The following PREX2 variants were observed in gnomAD, a reference collection of about 807,000 sequenced individuals.
PREX2 encodes the protein phosphatidylinositol 3,4,5-trisphosphate-dependent Rac exchanger 2 protein.
In PREX2, 107 loss-of-function variants were observed where a neutral mutation model predicts 203.2. That is an observed-to-expected ratio of 0.53 (90% CI 0.45 to 0.62). The LOEUF (loss-of-function observed/expected upper bound fraction) is 0.62, where lower values mean the gene tolerates loss of function less well. PREX2 is among the 20% of genes least tolerant of loss of function. The pLI, the probability that PREX2 is intolerant of heterozygous loss-of-function variation, is 0.00. For synonymous variants in PREX2, 672 were observed against 663.6 expected (o/e 1.01, Z -0.19); for missense variants, 1,777 against 1,955.9 (o/e 0.91, Z 1.72).
At chr8:67,953,807 G>T (rs1004942533) in intron 1 of PREX2, among the ~76,000 whole-genome samples, 1 of 152,194 alleles carries the variant, frequency 6.6e-6, no homozygotes, top group African/African-American at 2.4e-5. Context: ...GAATATCCTG[G>T]TAACTGGTGG....
intron 35 of PREX2, among the ~76,000 whole-genome samples, chr8:68,184,991 T>TA (rs1317675846): frequency 2.6e-5 from 4 of 152,310 alleles, no homozygotes; most frequent in African/African-American, 9.6e-5. Flanking sequence ...TATGTTAACT[T>TA]ACATAACTGT....
chr8:68,193,610 CAT>C, intron 37 of PREX2, among the ~76,000 whole-genome samples: 1 of 152,076 alleles, frequency 6.6e-6, no homozygotes, highest in East Asian at 1.9e-4. Context: ...ACAAAAATAA[CAT>C]AATGATAAAA....
intron 1 of PREX2, among the ~76,000 whole-genome samples, chr8:67,993,387 G>A (rs1325669580): frequency 6.7e-6 from 1 of 148,990 alleles, no homozygotes; most frequent in Non-Finnish European, 1.5e-5. Context: ...AAATTTTACA[G>A]TATTACTTCA....
rs1216912882 is a variant in PREX2, at chr8:68,182,991, T to G, written c.4347-8731T>G. ...GCAAAAAGGTGGGAAAACTTGCATG[T>G]GGATGGTGTGTTGGGGGAGATCAAG... On this transcript the variant is annotated intron_variant, in intron 35 of 39. Transcript: ENST00000288368. 2.0e-5 allele frequency among the ~76,000 whole-genome samples: 3 copies of G among 151,420 alleles called. No homozygotes were observed. In the Admixed American group the frequency reaches 2.0e-4, roughly 10 times the overall value.
At chr8:68,177,141 A>G (rs1438375158) in intron 35 of PREX2, 1 of 152,500 alleles carries the variant, frequency 6.6e-6, no homozygotes, top group African/African-American at 2.4e-5. Flanking sequence ...GCAATGTGTA[A>G]TTGAAAGCTA....
rs772916909 is a variant in PREX2, at chr8:68,119,458, A to G, written c.3448A>G (p.Ile1150Val). The G allele has an allele frequency of 1.9e-6, 3 of 1,613,738 alleles. No individual in the cohort carries two copies. Among genetic ancestry groups the G allele is most frequent in the Non-Finnish European group, 2.5e-6 (3 of 1,179,816 alleles). The stretch of plus-strand genomic sequence containing the variant: ...TGATGAACTTCCCTTAAGTGTTCGC[A>G]TATCTCATGATAAACAGGACAAGAT... ...SGDELPLSVR[I>V]SHDKQDKIHS... Residue 1150 changes from isoleucine to valine, a missense_variant, in exon 28 of 40, where the codon ATA becomes GTA. Physicochemically the swap from Ile to Val is conservative, Grantham distance 29. Transcript: ENST00000288368.
chr8:68,013,514 C>T (rs1807326130), intron 1 of PREX2, among the ~76,000 whole-genome samples: 1 of 152,172 alleles, frequency 6.6e-6, no homozygotes, highest in Non-Finnish European at 1.5e-5. Context: ...CAGTCTTCTC[C>T]ATTCCAGTGA....
intron 6 of PREX2, among the ~76,000 whole-genome samples, chr8:68,035,864 A>G (rs1563511309): frequency 2.0e-5 from 3 of 152,180 alleles, no homozygotes; most frequent in African/African-American, 4.8e-5. Context: ...CAGATTCAGT[A>G]AAACACAATC....
At chr8:68,199,466 G>A (rs72662928) in intron 37 of PREX2, among the ~76,000 whole-genome samples, 12,503 of 152,174 alleles carry the variant, frequency 0.082, 664 homozygotes, top group Middle Eastern at 0.13. Flanking sequence ...AGGCTCTACC[G>A]AGCCTTCTCC....
Position 68,093,715 on chromosome 8 carries a change from A to G in PREX2, c.2361A>G (p.Lys787=), listed in dbSNP as rs779473509. 8 of 1,541,446 alleles carry G rather than the reference A, an allele frequency of 5.2e-6. No individual in the cohort carries two copies. In the South Asian group the frequency reaches 9.1e-5, roughly 17 times the overall value. ...GDEAGDAFDC[K]VEEVIDKFNT... ...AAGCAGGGGATGCTTTTGACTGTAA[A>G]GTAGAAGGTAGGTTTCTTATTTTCT... Residue 787 remains lysine (K), a synonymous_variant, in exon 21 of 40, where the codon AAA becomes AAG. Coordinates refer to ENST00000288368, the MANE Select transcript of PREX2 (RefSeq NM_024870.4).
In PREX2 at chr8:68,069,148, T is replaced by TCCCACCCCCCCCCCCCCCCCC; in HGVS notation, c.1443+17_1443+18insCCCCCCCCCCCCCCCCCCCAC. ...ACGTGATTTCAAAGGTAACGACCTCTCCCACAACCTCTCCAATAGTAGAAT... is the reference window on the plus strand; with the variant it reads ...ACGTGATTTCAAAGGTAACGACCTCTCCCACCCCCCCCCCCCCCCCCCCCACAACCTCTCCAATAGTAGAAT... On this transcript the variant is annotated intron_variant, in intron 12 of 39. Coordinates refer to ENST00000288368, the MANE Select transcript of PREX2 (RefSeq NM_024870.4). 8.1e-7 allele frequency: 1 copy of TCCCACCCCCCCCCCCCCCCCC among 1,233,300 alleles called. No homozygotes were observed. 76.4% of individuals were successfully genotyped at this position (1,233,300 alleles called of 1,614,324 possible). A position where few individuals can be genotyped will look rare whatever the true frequency, so the allele number is the denominator to read the frequency against.
rs199799902 is a variant in PREX2, at chr8:68,085,624, AT to A, written c.2028-2099del. On this transcript the variant is annotated intron_variant, in intron 18 of 39. Transcript: ENST00000288368. The stretch of plus-strand genomic sequence containing the variant: ...ACTTATTTTCTGTAGGAAATAGAAC[AT>A]CCGTCTTGTATAAACGTAATTCTTT... Among the ~76,000 whole-genome samples, 8 of 152,310 alleles carry A rather than the reference AT, an allele frequency of 5.3e-5. No homozygotes were observed. The East Asian group carries it at 7.7e-4, about 15-fold the overall frequency.
At chr8:68,042,569 T>G (rs1214121665) in intron 7 of PREX2, among the ~76,000 whole-genome samples, 2 of 152,104 alleles carry the variant, frequency 1.3e-5, no homozygotes, top group Admixed American at 1.3e-4. Flanking sequence ...ATCAATGGGC[T>G]TTAGGGTTGT....
At chr8:68,109,001 T>C (rs1207981507) in intron 24 of PREX2, 2 of 446,884 alleles carry the variant, frequency 4.5e-6, no homozygotes, top group South Asian at 3.2e-5. Flanking sequence ...AAAAAGTTGA[T>C]CTCATAGAAG....
intron 35 of PREX2, among the ~76,000 whole-genome samples, chr8:68,173,949 C>A (rs1025294843): frequency 2.0e-5 from 3 of 152,166 alleles, no homozygotes; most frequent in African/African-American, 7.2e-5. Flanking sequence ...GGGAAATATA[C>A]TCAGTGAGGA....
intron 1 of PREX2, among the ~76,000 whole-genome samples, chr8:67,988,795 G>C (rs1056157306): frequency 3.7e-4 from 57 of 152,284 alleles, no homozygotes; most frequent in African/African-American, 1.3e-3. Context: ...AAGGTGGTGG[G>C]GAAGGTGACA....
At chr8:67,977,487 C>T (rs992088911) in intron 1 of PREX2, among the ~76,000 whole-genome samples, 5 of 152,028 alleles carry the variant, frequency 3.3e-5, no homozygotes, top group African/African-American at 7.2e-5. Context: ...CTTATAATAA[C>T]ATAGATGTAT....
At chr8:67,961,617 A>T (rs1203012313) in intron 1 of PREX2, among the ~76,000 whole-genome samples, 1 of 152,146 alleles carries the variant, frequency 6.6e-6, no homozygotes, top group African/African-American at 2.4e-5. Context: ...ACATGATGAT[A>T]CATCTAATAA....
At chr8:68,192,652 A>T (rs1261930917) in intron 37 of PREX2, 127 bp downstream of exon 37, 1 of 694,104 alleles carries the variant, frequency 1.4e-6, no homozygotes, top group African/African-American at 1.8e-5. Context: ...ATTTGGAATA[A>T]GATTTTGGAC....
Sources: gnomAD v4.1 joint callset for allele counts (sites outside exome capture counted in the v4.1 genomes callset) on GRCh38, gnomAD v4.1.1 for gene constraint, MANE v1.5 for transcripts, NCBI Gene and HGNC (gene_info 2026-07-23, HGNC 2026-07-21) for gene names.